Variants in FAM184A observed in about 807,000 individuals in gnomAD.
FAM184A encodes the protein family with sequence similarity 184 member A, also known as protein FAM184A.
FAM184A carries 99 observed loss-of-function variants against 143.8 expected under a neutral mutation model. The observed-to-expected ratio is 0.69, with a 90% CI of 0.58 to 0.81. The LOEUF is 0.81. Among genes scored for constraint, FAM184A ranks in the 40% least tolerant of loss-of-function variants. The probability of loss-of-function intolerance (pLI) is 0.00; values close to 1 mark genes in which losing one functional copy is unlikely to be tolerated. For missense variants in FAM184A, 1,217 were observed against 1,310.5 expected, an observed-to-expected ratio of 0.93 and a Z score of 1.10; for synonymous variants, 427 against 446.4, an observed-to-expected ratio of 0.96 and a Z score of 0.55.
intron 1 of FAM184A, among the ~76,000 whole-genome samples, chr6:119,072,358 A>G (rs535549724): frequency 1.3e-5 from 2 of 152,368 alleles, no homozygotes; most frequent in South Asian, 4.1e-4. Context: ...ACAATGTAAC[A>G]AAGAAAAAGA....
intron 5 of FAM184A, among the ~76,000 whole-genome samples, chr6:119,015,259 C>T (rs1392427758): frequency 2.0e-5 from 3 of 152,186 alleles, no homozygotes; most frequent in Admixed American, 6.5e-5. Context: ...CGCTGCACTG[C>T]GGGAGCCCCT....
intron 1 of FAM184A, among the ~76,000 whole-genome samples, chr6:119,122,601 A>G (rs1241046817): frequency 6.6e-6 from 1 of 152,130 alleles, no homozygotes; most frequent in Non-Finnish European, 1.5e-5. Context: ...TGCACAACTG[A>G]GCTTCCTGCT....
rs376478676 is a variant in FAM184A, at chr6:119,097,892, A to G, written c.-202+51186T>C. 1.8e-4 allele frequency among the ~76,000 whole-genome samples: 28 copies of G among 152,308 alleles called. No homozygotes were observed. The East Asian group carries it at 5.2e-3, about 28-fold the overall frequency. Reference sequence around the variant, plus strand: ...CTGTCTTGGAGCTGGCCATAAAGAAATTATCTGACTACATTGTCTGATTGT... The same window carrying G: ...CTGTCTTGGAGCTGGCCATAAAGAAGTTATCTGACTACATTGTCTGATTGT... On this transcript the variant is annotated intron_variant, in intron 1 of 16. Coordinates refer to the FAM184A transcript ENST00000352896.
chr6:118,977,224 T>C (rs931370375), intron 11 of FAM184A, among the ~76,000 whole-genome samples: 1 of 152,154 alleles, frequency 6.6e-6, no homozygotes, highest in African/African-American at 2.4e-5. Flanking sequence ...AACAAACTGT[T>C]GATACACACA....
At chr6:119,007,074 A>G (rs1784942830) in intron 6 of FAM184A, among the ~76,000 whole-genome samples, 3 of 152,186 alleles carry the variant, frequency 2.0e-5, no homozygotes, top group Non-Finnish European at 4.4e-5. Context: ...TGTATTATAA[A>G]CTAGAGTAAG....
chr6:119,081,634 T>A (rs1162925484), upstream of FAM184A, among the ~76,000 whole-genome samples: 1 of 152,196 alleles, frequency 6.6e-6, no homozygotes, highest in Non-Finnish European at 1.5e-5. Flanking sequence ...CACGTGGGCT[T>A]GGAGAATGAG....
At chr6:118,967,439 C>T (rs746524820) in intron 14 of FAM184A, among the ~76,000 whole-genome samples, 5 of 152,116 alleles carry the variant, frequency 3.3e-5, no homozygotes, top group East Asian at 1.9e-4. Context: ...ACATGTATGA[C>T]GTCATTTTTT....
chr6:119,056,793 C>T (rs1049477561), intron 1 of FAM184A, among the ~76,000 whole-genome samples: 1 of 152,150 alleles, frequency 6.6e-6, no homozygotes, highest in African/African-American at 2.4e-5. Flanking sequence ...ACCTCCCTGC[C>T]AAGGAACTAT....
chr6:118,979,359 A>G lies in FAM184A; in HGVS notation c.2455+6T>C, dbSNP rs776238966. ...ATATGACAAGATTGTAATCTTTTCA[A>G]AATACCAAGCATAGCCTTTCCTTCA... On this transcript the variant is annotated splice_donor_region_variant and intron_variant, in intron 11 of 17. Coordinates refer to ENST00000338891, the MANE Select transcript of FAM184A (RefSeq NM_024581.6). 8.2e-5 allele frequency: 131 copies of G among 1,594,382 alleles called. No homozygotes were observed. Among genetic ancestry groups the G allele is most frequent in the Non-Finnish European group, 1.1e-4 (128 of 1,174,378 alleles).
intron 9 of FAM184A, among the ~76,000 whole-genome samples, chr6:118,991,750 A>ATTTTT (rs1484717964): frequency 2.8e-5 from 2 of 71,086 alleles, no homozygotes; most frequent in South Asian, 9.8e-4. Flanking sequence ...CCCTGAGAGG[A>ATTTTT]CTTTTTTTTT....
chr6:119,089,129 C>T (rs897208470), intron 1 of FAM184A, among the ~76,000 whole-genome samples: 2 of 151,336 alleles, frequency 1.3e-5, no homozygotes, highest in African/African-American at 4.9e-5. Context: ...GCAATCTTCC[C>T]ACCCTCGGCC....
intron 9 of FAM184A, among the ~76,000 whole-genome samples, chr6:118,994,183 G>A (rs934029064): frequency 3.9e-5 from 6 of 152,156 alleles, no homozygotes; most frequent in African/African-American, 1.4e-4. Context: ...GTAAGCTCCA[G>A]GAAGGCAAAG....
At chr6:118,991,862 A>C (rs1784390583) in intron 9 of FAM184A, among the ~76,000 whole-genome samples, 1 of 137,368 alleles carries the variant, frequency 7.3e-6, no homozygotes, top group Non-Finnish European at 1.5e-5. Context: ...TCCCGGGTTC[A>C]TGTCATTCTC....
chr6:119,105,319 T>C (rs1386053392), intron 1 of FAM184A, among the ~76,000 whole-genome samples: 1 of 152,116 alleles, frequency 6.6e-6, no homozygotes, highest in African/African-American at 2.4e-5. Flanking sequence ...AGGAGGGGCC[T>C]GGTTGGAGGT....
chr6:119,079,433 G>A (rs768687056), upstream of FAM184A, among the ~76,000 whole-genome samples: 8 of 152,208 alleles, frequency 5.3e-5, no homozygotes, highest in Non-Finnish European at 1.0e-4. Context: ...AGTGCTTTAA[G>A]GATTTGGAGC....
intron 1 of FAM184A, among the ~76,000 whole-genome samples, chr6:119,122,924 GAAAAAAAAAAAAAAAAAAAAAAAAA>G (rs766414096): frequency 0.02 from 586 of 29,028 alleles, 30 homozygotes; most frequent in African/African-American, 0.069. Context: ...GACCCTGTCT[GAAAAAAAAAAAAAAAAAAAAAAAAA>G]AAAAAAAAAA....
upstream of FAM184A, among the ~76,000 whole-genome samples, chr6:119,080,377 A>G (rs1005883042): frequency 6.6e-6 from 1 of 152,192 alleles, no homozygotes; most frequent in Admixed American, 6.5e-5. Context: ...ATTCACTCTG[A>G]ACTCCATCAC....
intron 9 of FAM184A, among the ~76,000 whole-genome samples, chr6:119,000,545 T>C (rs1389432569): frequency 6.6e-6 from 1 of 152,222 alleles, no homozygotes; most frequent in Non-Finnish European, 1.5e-5. Context: ...CTTTTAATGC[T>C]CATTTTTAGA....
intron 14 of FAM184A, among the ~76,000 whole-genome samples, chr6:118,973,249 G>A (rs986667653): frequency 7.2e-5 from 11 of 152,278 alleles, no homozygotes; most frequent in East Asian, 1.9e-4. Flanking sequence ...GCATGTGTGC[G>A]TCTGTATGTG....
Sources: gnomAD v4.1 joint callset for allele counts (sites outside exome capture counted in the v4.1 genomes callset) on GRCh38, gnomAD v4.1.1 for gene constraint, MANE v1.5 for transcripts, NCBI Gene and HGNC (gene_info 2026-07-23, HGNC 2026-07-21) for gene names.